Variants in HOOK2 observed in about 807,000 individuals in gnomAD.
The protein encoded by HOOK2 is protein Hook homolog 2.
In HOOK2, 108 loss-of-function variants were observed where a neutral mutation model predicts 111.9. The observed-to-expected ratio is 0.96, with a 90% CI of 0.83 to 1.13. The LOEUF (loss-of-function observed/expected upper bound fraction) is 1.13. Ranked by LOEUF, HOOK2 falls within the 50% of genes most tolerant of loss-of-function variation. The pLI is 0.00. For missense variants in HOOK2, 978 were observed against 951.3 expected, an observed-to-expected ratio of 1.03 and a Z score of -0.37; for synonymous variants, 405 against 394.3, an observed-to-expected ratio of 1.03 and a Z score of -0.32.
intron 1 of HOOK2, 119 bp downstream of exon 1, chr19:12,775,286 C>G: frequency 6.7e-7 from 1 of 1,487,354 alleles, no homozygotes; most frequent in East Asian, 2.5e-5. Context: ...AACGGTCCAG[C>G]AAGTCGACGA....
chr19:12,789,181 G>C (rs1213333997), intron 3 of HOOK2, among the ~76,000 whole-genome samples: 1 of 149,712 alleles, frequency 6.7e-6, no homozygotes, highest in African/African-American at 2.6e-5. Flanking sequence ...AGCTGAGAGA[G>C]AGAGAGAGAG....
chr19:12,773,240 T>TTG (rs772851644), intron 3 of HOOK2, 196 bp from the exon 4 acceptor site: 3 of 511,956 alleles, frequency 5.9e-6, no homozygotes, highest in Non-Finnish European at 1.0e-5. Flanking sequence ...TCTTTTTTTT[T>TTG]TTTTTTTTTT....
chr19:12,763,372 G>A lies in HOOK2; in HGVS notation c.2070C>T (p.Phe690=), dbSNP rs747678560. 3.7e-5 allele frequency: 59 copies of A among 1,614,064 alleles called. No individual in the cohort carries two copies. Among genetic ancestry groups the A allele is most frequent in the Admixed American group, 2.5e-4 (15 of 60,008 alleles). ...TGGTTGCCAGCCGCTGCTGTGCCAG[G>A]AATGACTGGGCATGGGCAGGCGCCC... ...EERAPAHAQS[F]LAQQRLATNS... The change falls in exon 23 of 23, where the codon TTC becomes TTT. Residue 690 remains phenylalanine, a synonymous_variant. Coordinates refer to ENST00000397668, the MANE Select transcript of HOOK2 (RefSeq NM_013312.3).
In HOOK2 at chr19:12,791,212, C is replaced by T. The variant is rs536827380; in HGVS notation, n.42-16987G>A. Among the ~76,000 whole-genome samples, 49 of 152,330 alleles carry T rather than the reference C, an allele frequency of 3.2e-4. No individual in the cohort carries two copies. Among genetic ancestry groups the T allele is most frequent in the Admixed American group, 2.7e-3 (42 of 15,302 alleles). On this transcript the variant is annotated intron_variant and non_coding_transcript_variant, in intron 3 of 3. Transcript: ENST00000589765. This position sits in a 1 kb window ranked among gnomAD's most constrained non-coding sequence, Gnocchi z 7.0. The stretch of plus-strand genomic sequence containing the variant: ...AGGGAAATCATCCTCCTCCCTGAAA[C>T]CCCTCACTCATGTGCCTGGGCCCCC...
intron 1 of HOOK2, chr19:12,775,161 G>C: frequency 2.0e-6 from 2 of 981,396 alleles, no homozygotes; most frequent in Non-Finnish European, 1.2e-6. Flanking sequence ...ACGTGACCAG[G>C]CCAATTCACC....
At chr19:12,773,201 C>T in intron 3 of HOOK2, 157 bp from the exon 4 acceptor site, 1 of 612,266 alleles carries the variant, frequency 1.6e-6, no homozygotes, top group Non-Finnish European at 2.9e-6. Flanking sequence ...TGGCTGTCTG[C>T]CCCTTTTGTC....
chr19:12,776,635 T>C (rs555124451), upstream of HOOK2, among the ~76,000 whole-genome samples: 517 of 131,112 alleles, frequency 3.9e-3, 5 homozygotes, highest in African/African-American at 0.014. Context: ...GCCGAGATCG[T>C]ACCACTGCAC....
intron 3 of HOOK2, among the ~76,000 whole-genome samples, chr19:12,784,022 A>G (rs1968632581): frequency 6.8e-6 from 1 of 147,700 alleles, no homozygotes; most frequent in Non-Finnish European, 1.5e-5. Context: ...CCCACGCTGC[A>G]GCCCCACCCC....
At position 12,770,018 on chromosome 19, in the gene HOOK2, C is replaced by A. The variant is rs1968270278; in HGVS notation, c.967G>T (p.Glu323Ter). 8.4e-6 allele frequency: 13 copies of A among 1,541,498 alleles called. No individual in the cohort carries two copies. Among genetic ancestry groups the A allele is most frequent in the Non-Finnish European group, 1.1e-5 (13 of 1,147,308 alleles). Reference sequence around the variant, plus strand: ...ACCTGCCGCCGCAGCTCCCTCAGCTCGCCCAAGCGGCGCCGGCAACTGGTC... The same window carrying A: ...ACCTGCCGCCGCAGCTCCCTCAGCTAGCCCAAGCGGCGCCGGCAACTGGTC... ...TLTSCRRRLG[E>*]LRELRRQVRQ... The change falls in exon 11 of 23, where the codon GAG becomes TAG. Residue 323 changes from glutamate (E) to a stop codon, truncating the protein, a stop_gained. Transcript: ENST00000397668. LOFTEE classifies it high-confidence loss of function.
chr19:12,791,848 G>C lies in HOOK2; in HGVS notation n.42-17623C>G. On this transcript the variant is annotated intron_variant and non_coding_transcript_variant, in intron 3 of 3. Transcript: ENST00000589765. This position sits in a 1 kb window ranked among gnomAD's most constrained non-coding sequence, Gnocchi z 7.0. ...ACGGGATACGGCCGGGCCCCTGGTGGCCTCTCTCTACACGACTACAAACTC... is the reference window on the plus strand; with the variant it reads ...ACGGGATACGGCCGGGCCCCTGGTGCCCTCTCTCTACACGACTACAAACTC... The C allele has an allele frequency of 6.2e-7, 1 of 1,613,570 alleles. No individual in the cohort carries two copies.
upstream of HOOK2, among the ~76,000 whole-genome samples, chr19:12,776,355 G>C (rs1568375984): frequency 6.6e-6 from 1 of 151,566 alleles, no homozygotes; most frequent in Admixed American, 6.6e-5. Context: ...AATTAATTTG[G>C]ATAGAAGTTG....
In HOOK2 at chr19:12,771,152, A is replaced by T; in HGVS notation, c.761+7T>A. 6.2e-7 allele frequency: 1 copy of T among 1,613,404 alleles called. No homozygotes were observed. Among genetic ancestry groups the T allele is most frequent in the East Asian group, 2.2e-5 (1 of 44,870 alleles). On this transcript the variant is annotated splice_region_variant and intron_variant, in intron 9 of 22. Transcript: ENST00000397668. ...GCTTGCCTGGCCCAGTCCCCAGCTG[A>T]CCACACCTGAAGTTCTCCTCCTGCA...
chr19:12,784,222 C>T (rs1201560253), intron 3 of HOOK2, among the ~76,000 whole-genome samples: 5 of 151,848 alleles, frequency 3.3e-5, no homozygotes, highest in Non-Finnish European at 5.9e-5. Context: ...AGACAGGGGG[C>T]GGGCGGGGGG....
At position 12,769,970 on chromosome 19, in the gene HOOK2, C is replaced by T. The variant is rs777966563; in HGVS notation, c.1015G>A (p.Ala339Thr). 1.2e-5 allele frequency: 18 copies of T among 1,552,168 alleles called. No homozygotes were observed. The highest frequency in any genetic ancestry group is 1.6e-5 in the Non-Finnish European group (18 of 1,155,256). Residue 339 changes from alanine (A) to threonine (T), a missense_variant, in exon 11 of 23, where the codon GCC becomes ACC. Transcript: ENST00000397668. The stretch of plus-strand genomic sequence containing the variant: ...TGTCGCGTGCGCTCGGCGTGGCCGG[C>T]GTTGCGTTCCTCCAGCTGCCGCACC... ...RQVRQLEERNAGHAERTRQLE... is the reference protein window; with the variant it reads ...RQVRQLEERNTGHAERTRQLE...
upstream of HOOK2, among the ~76,000 whole-genome samples, chr19:12,780,506 G>A (rs1386112743): frequency 5.3e-5 from 8 of 151,058 alleles, no homozygotes; most frequent in Admixed American, 2.6e-4. Context: ...ACAGGCGCCC[G>A]CCACCAGGTG....
At chr19:12,781,711 G>T (rs185104223), upstream of HOOK2, among the ~76,000 whole-genome samples, 1 of 152,226 alleles carries the variant, frequency 6.6e-6, no homozygotes, top group African/African-American at 2.4e-5. Context: ...GTGGTAACAG[G>T]GGTCATGCGA....
At position 12,775,280 on chromosome 19, in the gene HOOK2, G is replaced by A. The variant is rs561465212; in HGVS notation, c.45+125C>T. 5.4e-5 allele frequency: 80 copies of A among 1,482,924 alleles called. No homozygotes were observed. The African/African-American group carries it at 1.0e-3, about 19-fold the overall frequency. 91.9% of individuals were successfully genotyped at this position (1,482,924 alleles called of 1,614,324 possible). A position where few individuals can be genotyped will look rare whatever the true frequency, so the allele number is the denominator to read the frequency against. On this transcript the variant is annotated intron_variant, in intron 1 of 22. Coordinates refer to ENST00000397668, the MANE Select transcript of HOOK2 (RefSeq NM_013312.3). The stretch of plus-strand genomic sequence containing the variant: ...CGGGTGCTCGGGCCAGAGTCCAACG[G>A]TCCAGCAAGTCGACGACCCCGCACC...
Position 12,790,146 on chromosome 19 carries a change from G to C in HOOK2, n.42-15921C>G, listed in dbSNP as rs549481175. Among the ~76,000 whole-genome samples the C allele has an allele frequency of 1.3e-5, 2 of 152,316 alleles. No individual in the cohort carries two copies. Among genetic ancestry groups the C allele is most frequent in the South Asian group, 4.1e-4 (2 of 4,832 alleles). On this transcript the variant is annotated intron_variant and non_coding_transcript_variant, in intron 3 of 3. Coordinates refer to the HOOK2 transcript ENST00000589765. This position sits in a 1 kb window ranked among gnomAD's most constrained non-coding sequence, Gnocchi z 7.2. ...CGGGCGGAACCATTGCTTGAGGGGA[G>C]AGGATGGTGGCTGGAGGCTGCCGCG...
rs1467714024 is a variant in HOOK2, at chr19:12,763,014, G to C, written c.*268C>G. On this transcript the variant is annotated 3_prime_UTR_variant, in exon 23 of 23. Coordinates refer to ENST00000397668, the MANE Select transcript of HOOK2 (RefSeq NM_013312.3). ...AGAGCACAGCCAGGGCAGATTGAACGCCTTTATTTTTCTCAAATATAAAAT... is the reference window on the plus strand; with the variant it reads ...AGAGCACAGCCAGGGCAGATTGAACCCCTTTATTTTTCTCAAATATAAAAT... 4.6e-6 allele frequency: 2 copies of C among 431,830 alleles called. No individual in the cohort carries two copies. Among genetic ancestry groups the C allele is most frequent in the Admixed American group, 8.0e-5 (2 of 24,868 alleles). The allele number at this position is 431,830 out of a possible 1,614,324, so 26.7% of individuals were successfully genotyped here. A position where few individuals can be genotyped will look rare whatever the true frequency, so the allele number is the denominator to read the frequency against.
Sources: allele counts gnomAD v4.1 joint callset (sites outside exome capture counted in the v4.1 genomes callset), GRCh38; gene constraint gnomAD v4.1.1; non-coding constraint Gnocchi (gnomAD v3.1); transcripts MANE v1.5; gene names NCBI Gene and HGNC (gene_info 2026-07-23, HGNC 2026-07-21).